TAFA5: variants seen among roughly 807,000 people sequenced by gnomAD.
TAFA5 encodes the protein TAFA chemokine like family member 5, also known as chemokine-like protein TAFA-5.
In TAFA5, 6 loss-of-function variants were observed where a neutral mutation model predicts 15.3. The ratio of observed to expected loss-of-function variants is 0.39; its 90% CI spans 0.21 to 0.77. The LOEUF is 0.77. Among genes scored for constraint, TAFA5 ranks in the 30% least tolerant of loss-of-function variants. The pLI, the probability that TAFA5 is intolerant of heterozygous loss-of-function variation, is 0.41. For synonymous variants in TAFA5, 103 were observed against 80.7 expected (o/e 1.28, Z -1.48); for missense variants, 161 against 193.1 (o/e 0.83, Z 0.98).
intron 2 of TAFA5, among the ~76,000 whole-genome samples, chr22:48,691,984 G>A (rs28533309): frequency 0.072 from 10,964 of 152,210 alleles, 965 homozygotes; most frequent in African/African-American, 0.2. Flanking sequence ...CCTCCAAAGG[G>A]GCCTGTGCCA....
chr22:48,596,269 G>A (rs757320363), intron 1 of TAFA5, among the ~76,000 whole-genome samples: 8 of 152,220 alleles, frequency 5.3e-5, no homozygotes, highest in Non-Finnish European at 1.2e-4. Context: ...AGGACTGAGC[G>A]TTGGTTTCTG....
chr22:48,494,822 A>G (rs567204338), intron 1 of TAFA5, among the ~76,000 whole-genome samples: 14 of 152,360 alleles, frequency 9.2e-5, no homozygotes, highest in African/African-American at 3.4e-4. Flanking sequence ...AGCTGGCAGC[A>G]GATCTGGGCG....
chr22:48,646,773 T>C, intron 2 of TAFA5, 27 bp downstream of exon 2: 1 of 1,547,202 alleles, frequency 6.5e-7, no homozygotes. Flanking sequence ...CCAGGACCCC[T>C]CCGGGTGCTG....
Position 48,560,248 on chromosome 22 carries a change from G to A in TAFA5, c.112+70544G>A, listed in dbSNP as rs115047774. Among the ~76,000 whole-genome samples, 1,762 of 152,324 alleles carry A rather than the reference G, an allele frequency of 0.012. 22 individuals carry two copies. Among genetic ancestry groups the A allele is most frequent in the African/African-American group, 0.039 (1,641 of 41,570 alleles). On this transcript the variant is annotated intron_variant, in intron 1 of 3. Transcript: ENST00000402357. The surrounding 1 kb of genome is among the most constrained non-coding windows in gnomAD (Gnocchi z 4.2). Reference sequence around the variant, plus strand: ...TGTGGCTGAGGCGTCTGTCCCTGTCGTGCGCCCAGGCTGGTGCCGTCAGGC... The same window carrying A: ...TGTGGCTGAGGCGTCTGTCCCTGTCATGCGCCCAGGCTGGTGCCGTCAGGC...
intron 2 of TAFA5, among the ~76,000 whole-genome samples, chr22:48,682,180 G>C (rs1928212264): frequency 6.6e-6 from 1 of 152,150 alleles, no homozygotes; most frequent in Non-Finnish European, 1.5e-5. Flanking sequence ...AGCAGTCTGG[G>C]CTCCCTAGAC....
chr22:48,748,217 C>T (rs1016480749), intron 3 of TAFA5, among the ~76,000 whole-genome samples: 1 of 152,246 alleles, frequency 6.6e-6, no homozygotes, highest in African/African-American at 2.4e-5. Flanking sequence ...TGGGCATCCA[C>T]AGCCCGGTGT....
chr22:48,638,815 C>A (rs1926566579), intron 1 of TAFA5, among the ~76,000 whole-genome samples: 1 of 143,476 alleles, frequency 7.0e-6, no homozygotes. Context: ...CAGGGGGGAC[C>A]CCGACACTAA....
chr22:48,707,650 G>T (rs1929121576), intron 2 of TAFA5, 67 bp from the exon 3 acceptor site: 1 of 1,564,254 alleles, frequency 6.4e-7, no homozygotes, highest in Non-Finnish European at 8.7e-7. Context: ...GGACCCAGGT[G>T]CCCTCAGCAA....
At position 48,530,966 on chromosome 22, in the gene TAFA5, C is replaced by A. The variant is rs529886215; in HGVS notation, c.112+41262C>A. ...CCCTGTGCAAAGTGGTGCCCCTGCC[C>A]GCCCCGACCCCAGCCTTGTTAGGGG... is the stretch of plus-strand genomic sequence containing the variant. On this transcript the variant is annotated intron_variant, in intron 1 of 3. Transcript: ENST00000402357. This position sits in a 1 kb window ranked among gnomAD's most constrained non-coding sequence, Gnocchi z 6.0. 2.0e-5 allele frequency among the ~76,000 whole-genome samples: 3 copies of A among 152,174 alleles called. No individual in the cohort carries two copies. The highest frequency in any genetic ancestry group is 2.9e-5 in the Non-Finnish European group (2 of 68,032).
At chr22:48,687,614 G>T (rs1928404675) in intron 2 of TAFA5, among the ~76,000 whole-genome samples, 1 of 152,136 alleles carries the variant, frequency 6.6e-6, no homozygotes, top group Non-Finnish European at 1.5e-5. Context: ...GCCATGGCGA[G>T]TGCCTCCCCT....
chr22:48,658,206 G>A (rs368992097), intron 2 of TAFA5, among the ~76,000 whole-genome samples: 7 of 122,066 alleles, frequency 5.7e-5, no homozygotes, highest in African/African-American at 1.2e-4. Flanking sequence ...TTCCACCTCC[G>A]AAACTCAGCC....
chr22:48,698,754 C>A (rs1055348717), intron 2 of TAFA5, among the ~76,000 whole-genome samples: 1 of 36,878 alleles, frequency 2.7e-5, no homozygotes, highest in Non-Finnish European at 5.4e-5. Context: ...GCCTCCCTTC[C>A]GCAGCCTCGG....
At chr22:48,685,372 A>G (rs868239470) in intron 2 of TAFA5, among the ~76,000 whole-genome samples, 4 of 152,350 alleles carry the variant, frequency 2.6e-5, no homozygotes, top group Middle Eastern at 3.4e-3. Context: ...AAGACCTAGA[A>G]AAAGGAGATG....
At chr22:48,604,374 C>T (rs905556553) in intron 1 of TAFA5, among the ~76,000 whole-genome samples, 7 of 152,252 alleles carry the variant, frequency 4.6e-5, no homozygotes, top group African/African-American at 1.4e-4. Flanking sequence ...GCTGCAGATT[C>T]CACGGTGTTT....
At chr22:48,587,506 A>C (rs1381887765) in intron 1 of TAFA5, among the ~76,000 whole-genome samples, 1 of 152,126 alleles carries the variant, frequency 6.6e-6, no homozygotes, top group Non-Finnish European at 1.5e-5. Flanking sequence ...AGCTCCAGGC[A>C]CCAAGGAGGC....
intron 1 of TAFA5, among the ~76,000 whole-genome samples, chr22:48,576,838 C>A (rs1008923379): frequency 6.6e-6 from 1 of 151,854 alleles, no homozygotes; most frequent in African/African-American, 2.4e-5. Flanking sequence ...TGGCGCCGCC[C>A]CGGATCCCCA....
intron 2 of TAFA5, among the ~76,000 whole-genome samples, chr22:48,681,322 C>A (rs1027363873): frequency 6.6e-6 from 1 of 152,092 alleles, no homozygotes; most frequent in African/African-American, 2.4e-5. Flanking sequence ...GCAGTAGAGA[C>A]GCTCTCCTCA....
chr22:48,536,095 C>A (rs1922152478), intron 1 of TAFA5, among the ~76,000 whole-genome samples: 1 of 152,242 alleles, frequency 6.6e-6, no homozygotes, highest in Admixed American at 6.5e-5. Context: ...CGAGTTCCCG[C>A]ATGGGTTGGT....
rs976258187 is a variant in TAFA5 at position 48,751,414 on chromosome 22, C to T, written c.*1567C>T. On this transcript the variant is annotated 3_prime_UTR_variant, in exon 4 of 4. Coordinates refer to ENST00000402357, the MANE Select transcript of TAFA5 (RefSeq NM_001082967.3). ...GTCGTTCGCCAGCCTCCTTCATTTT[C>T]CTGAGTTCCCGCTGAAGTATATACT... 6.6e-6 allele frequency: 1 copy of T among 152,476 alleles called. No homozygotes were observed. The highest frequency in any genetic ancestry group is 1.5e-5 in the Non-Finnish European group (1 of 68,040). The allele number at this position is 152,476 out of a possible 1,614,324, so 9.4% of individuals were successfully genotyped here.
Sources: gnomAD v4.1 joint callset for allele counts (sites outside exome capture counted in the v4.1 genomes callset) on GRCh38, gnomAD v4.1.1 for gene constraint, Gnocchi (gnomAD v3.1) non-coding constraint, MANE v1.5 for transcripts, NCBI Gene and HGNC (gene_info 2026-07-23, HGNC 2026-07-21) for gene names.